The following NCKAP5 variants were observed in gnomAD, a reference collection of about 807,000 sequenced individuals.
The protein encoded by NCKAP5 is NCK associated protein 5, also known as nck-associated protein 5.
NCKAP5 carries 92 observed loss-of-function variants against 167.0 expected under a neutral mutation model. The ratio of observed to expected loss-of-function variants is 0.55; its 90% CI spans 0.47 to 0.66. The LOEUF is 0.66. Among genes scored for constraint, NCKAP5 ranks in the 30% least tolerant of loss-of-function variants. The pLI is 0.00. For synonymous variants in NCKAP5, 891 were observed against 877.4 expected, an observed-to-expected ratio of 1.02 and a Z score of -0.27; for missense variants, 2,378 against 2,315.0, an observed-to-expected ratio of 1.03 and a Z score of -0.56.
chr2:133,500,477 G>A lies in NCKAP5; in HGVS notation c.69+16981C>T, dbSNP rs11886772. ...TTCTGAGGGACAAAGCACATGGGAG[G>A]TCTGCTAACCAGACATGGCAATAAT... On this transcript the variant is annotated intron_variant, in intron 3 of 19. Coordinates refer to ENST00000409261, the MANE Select transcript of NCKAP5 (RefSeq NM_207363.3). 2.4e-3 allele frequency among the ~76,000 whole-genome samples: 367 copies of A among 152,264 alleles called. 2 individuals are homozygous for A. The highest frequency in any genetic ancestry group is 7.8e-3 in the African/African-American group (323 of 41,554).
chr2:132,891,611 A>G (rs1316182575), intron 8 of NCKAP5, among the ~76,000 whole-genome samples: 1 of 152,234 alleles, frequency 6.6e-6, no homozygotes, highest in Non-Finnish European at 1.5e-5. Context: ...CTGTGTGTGC[A>G]TATGCATATG....
At chr2:133,308,443 G>C (rs1680962089) in intron 3 of NCKAP5, among the ~76,000 whole-genome samples, 1 of 151,960 alleles carries the variant, frequency 6.6e-6, no homozygotes, top group Non-Finnish European at 1.5e-5. Context: ...GGTGTGTTTT[G>C]CCTGTGTATG....
chr2:132,887,294 C>T (rs1692305887), intron 8 of NCKAP5, among the ~76,000 whole-genome samples: 1 of 150,556 alleles, frequency 6.6e-6, no homozygotes, highest in South Asian at 2.1e-4. Context: ...ATCTATCTAT[C>T]CATCCACCCA....
chr2:133,325,653 G>A (rs753532041), intron 3 of NCKAP5, among the ~76,000 whole-genome samples: 3 of 152,134 alleles, frequency 2.0e-5, no homozygotes, highest in African/African-American at 2.4e-5. Flanking sequence ...TCACTCCCCC[G>A]CAGCTCTGTG....
chr2:133,470,601 TC>T (rs1026078873), intron 3 of NCKAP5, among the ~76,000 whole-genome samples: 7 of 151,926 alleles, frequency 4.6e-5, no homozygotes, highest in Admixed American at 1.3e-4. Context: ...CGGGTGCCCC[TC>T]CCCCAGCCTC....
intron 3 of NCKAP5, among the ~76,000 whole-genome samples, chr2:133,381,181 CATGGCACTTAGGCTGCTGCCAGTCCCCAT>C (rs145890918): frequency 0.021 from 3,149 of 152,278 alleles, 50 homozygotes; most frequent in Middle Eastern, 0.048. Context: ...GATGACAAGG[CATGGCACTTAGGCTGCTGCCAGTCCCCAT>C]TCCATACCAA....
intron 5 of NCKAP5, among the ~76,000 whole-genome samples, chr2:133,213,410 A>G (rs184303227): frequency 3.3e-5 from 5 of 152,278 alleles, no homozygotes; most frequent in Admixed American, 2.6e-4. Flanking sequence ...ATTATGTTGA[A>G]CTGTTGCTCA....
chr2:132,971,614 C>T lies in NCKAP5; in HGVS notation c.430-7745G>A, dbSNP rs537801055. Among the ~76,000 whole-genome samples the T allele has an allele frequency of 7.2e-5, 11 of 152,238 alleles. No homozygotes were observed. In the South Asian group the frequency reaches 1.9e-3, roughly 26 times the overall value. ...CAAGATGCTGCTGCAATAGGCTATG[C>T]GGGAGTTGAAGGAACCATTATTAAA... On this transcript the variant is annotated intron_variant, in intron 7 of 19. Transcript: ENST00000409261.
chr2:132,703,799 AG>A (rs1688099880), intron 19 of NCKAP5, among the ~76,000 whole-genome samples: 1 of 152,352 alleles, frequency 6.6e-6, no homozygotes, highest in South Asian at 2.1e-4. Flanking sequence ...GAAATAAGCT[AG>A]ATGATTAAGA....
intron 3 of NCKAP5, among the ~76,000 whole-genome samples, chr2:133,419,451 C>A (rs532242136): frequency 2.6e-5 from 4 of 152,240 alleles, no homozygotes; most frequent in East Asian, 1.9e-4. Flanking sequence ...AATTTGTTAT[C>A]TTGAAAAACT....
At chr2:132,905,090 G>T (rs955812589) in intron 8 of NCKAP5, among the ~76,000 whole-genome samples, 2 of 151,944 alleles carry the variant, frequency 1.3e-5, no homozygotes, top group Middle Eastern at 3.2e-3. Context: ...GCTTAATAAT[G>T]TTTCAATTAT....
At chr2:133,185,325 T>C (rs1033727259) in intron 5 of NCKAP5, among the ~76,000 whole-genome samples, 1 of 152,182 alleles carries the variant, frequency 6.6e-6, no homozygotes, top group African/African-American at 2.4e-5. Flanking sequence ...TCTATGTGTC[T>C]GCTTTTGCAC....
intron 16 of NCKAP5, among the ~76,000 whole-genome samples, chr2:132,740,105 C>T (rs1239320939): frequency 6.6e-6 from 1 of 152,068 alleles, no homozygotes; most frequent in African/African-American, 2.4e-5. Flanking sequence ...CTCTGCAACC[C>T]TCATTCATAA....
At chr2:132,830,776 C>CAGT (rs1448114527) in intron 11 of NCKAP5, among the ~76,000 whole-genome samples, 2 of 152,202 alleles carry the variant, frequency 1.3e-5, no homozygotes, top group South Asian at 4.1e-4. Flanking sequence ...TGACAAGGAT[C>CAGT]AGTAGCATTT....
At chr2:133,415,832 T>C (rs974813667) in intron 3 of NCKAP5, among the ~76,000 whole-genome samples, 2 of 152,252 alleles carry the variant, frequency 1.3e-5, no homozygotes, top group African/African-American at 2.4e-5. Context: ...TTTTTTGAAA[T>C]GATACATTTA....
At chr2:133,024,914 C>T (rs1470808983) in intron 6 of NCKAP5, among the ~76,000 whole-genome samples, 1 of 152,218 alleles carries the variant, frequency 6.6e-6, no homozygotes, top group African/African-American at 2.4e-5. Context: ...CACCACACAT[C>T]TTCCAGGAGT....
intron 6 of NCKAP5, among the ~76,000 whole-genome samples, chr2:132,998,147 T>C (rs2077661726): frequency 1.3e-5 from 2 of 152,222 alleles, no homozygotes; most frequent in South Asian, 4.1e-4. Context: ...TAGTTAGAAC[T>C]CGGTTAAAAT....
intron 7 of NCKAP5, among the ~76,000 whole-genome samples, chr2:132,988,081 C>T (rs2077342347): frequency 1.3e-5 from 2 of 152,084 alleles, no homozygotes; most frequent in African/African-American, 4.8e-5. Flanking sequence ...TAGTCCAGGC[C>T]TTATAGCATT....
chr2:133,409,027 C>A (rs1688616739), intron 3 of NCKAP5, among the ~76,000 whole-genome samples: 1 of 152,180 alleles, frequency 6.6e-6, no homozygotes, highest in Admixed American at 6.5e-5. Context: ...GGGTTGTTAC[C>A]ACAGTAAAAG....
Sources: allele counts gnomAD v4.1 joint callset (sites outside exome capture counted in the v4.1 genomes callset), GRCh38; gene constraint gnomAD v4.1.1; transcripts MANE v1.5; gene names NCBI Gene and HGNC (gene_info 2026-07-23, HGNC 2026-07-21).